Variants in BACH1 observed in about 807,000 individuals in gnomAD.
BACH1 encodes the protein BTB domain and CNC homolog 1.
BACH1 carries 35 observed loss-of-function variants against 52.9 expected under a neutral mutation model. The observed-to-expected ratio is 0.66, with a 90% confidence interval of 0.51 to 0.88. The LOEUF is 0.88. BACH1 is among the 40% of genes least tolerant of loss of function. BACH1 has a pLI of 0.00. For missense variants in BACH1, 808 were observed against 872.6 expected (o/e 0.93, Z 0.93); for synonymous variants, 321 against 319.6 (o/e 1.00, Z -0.05).
chr21:29,334,854 T>G (rs1002257156), intron 4 of BACH1, among the ~76,000 whole-genome samples: 2 of 152,188 alleles, frequency 1.3e-5, no homozygotes, highest in East Asian at 1.9e-4. Flanking sequence ...CCTGTCCTAT[T>G]CACAACTAGT....
intron 1 of BACH1, among the ~76,000 whole-genome samples, chr21:29,301,617 A>G (rs756540904): frequency 2.6e-5 from 4 of 152,240 alleles, no homozygotes; most frequent in Non-Finnish European, 5.9e-5. Context: ...TGTATTTTGA[A>G]TTTGGAGACA....
intron 1 of BACH1, among the ~76,000 whole-genome samples, chr21:29,307,450 T>C (rs118055411): frequency 2.5e-3 from 386 of 152,276 alleles, no homozygotes; most frequent in Non-Finnish European, 3.0e-3. Context: ...AAATCTACTC[T>C]CTTAGCAATT....
At chr21:29,319,403 G>T (rs2123431602) in intron 1 of BACH1, among the ~76,000 whole-genome samples, 1 of 152,118 alleles carries the variant, frequency 6.6e-6, no homozygotes, top group Admixed American at 6.5e-5. Context: ...CCTGATGGAG[G>T]TGGTAGGAGG....
At chr21:29,309,469 TTGAAA>T (rs1374877037) in intron 1 of BACH1, among the ~76,000 whole-genome samples, 1 of 152,198 alleles carries the variant, frequency 6.6e-6, no homozygotes, top group Non-Finnish European at 1.5e-5. Flanking sequence ...GTAACATGAA[TTGAAA>T]TGTAATATTT....
At chr21:29,323,407 C>T (rs929596440) in intron 2 of BACH1, among the ~76,000 whole-genome samples, 1 of 152,180 alleles carries the variant, frequency 6.6e-6, no homozygotes, top group African/African-American at 2.4e-5. Context: ...CCTCGGCAAA[C>T]CGCTGGTGTA....
At chr21:29,342,034 T>C (rs1443133463) in intron 4 of BACH1, among the ~76,000 whole-genome samples, 1 of 152,178 alleles carries the variant, frequency 6.6e-6, no homozygotes, top group Non-Finnish European at 1.5e-5. Context: ...CTGCCCCAAA[T>C]TGACATTAGA....
intron 1 of BACH1, among the ~76,000 whole-genome samples, chr21:29,313,290 G>T (rs1153287): frequency 7.2e-5 from 11 of 152,016 alleles, no homozygotes; most frequent in African/African-American, 2.7e-4. Context: ...CACGTCTTAC[G>T]TAGAGCATTC....
chr21:29,334,341 G>T (rs573146507), intron 4 of BACH1, among the ~76,000 whole-genome samples: 1 of 151,852 alleles, frequency 6.6e-6, no homozygotes, highest in East Asian at 1.9e-4. Flanking sequence ...CTCTTGATCC[G>T]CCCGCCTCGG....
rs2088845909 is a variant in BACH1 at position 29,321,390 on chromosome 21, C to T, written c.110C>T (p.Thr37Ile). The change falls in exon 2 of 5, where the codon ACC becomes ATC. Residue 37 changes from threonine to isoleucine, a missense_variant. By Grantham distance (89) the Thr-to-Ile change is moderately conservative (BLOSUM62 -1). Transcript: ENST00000286800. Reference sequence around the variant, plus strand: ...AAGAAAGATGTGCTGTGCGATGTCACCATCTTTGTGGAGGGACAGCGGTTC... The same window carrying T: ...AAGAAAGATGTGCTGTGCGATGTCATCATCTTTGTGGAGGGACAGCGGTTC... The part of the protein sequence containing the change: ...QRKKDVLCDV[T>I]IFVEGQRFRA... 1 of 1,614,214 alleles carries T rather than the reference C, an allele frequency of 6.2e-7. No individual in the cohort carries two copies. The highest frequency in any genetic ancestry group is 8.5e-7 in the Non-Finnish European group (1 of 1,180,040).
In BACH1 at chr21:29,326,576, C is replaced by T; in HGVS notation, c.752C>T (p.Ala251Val). The change falls in exon 3 of 5, where the codon GCT becomes GTT. Residue 251 changes from alanine to valine, a missense_variant. Coordinates refer to ENST00000286800, the MANE Select transcript of BACH1 (RefSeq NM_001186.4). ...GAATCTAGTGTCAAAGACATTCATG[C>T]TTCTGTTCAGCCAAATGAAAGGTCT... Reference protein sequence around the residue: ...TGESSVKDIHASVQPNERSEN... With the variant: ...TGESSVKDIHVSVQPNERSEN... 1 of 1,614,196 alleles carries T rather than the reference C, an allele frequency of 6.2e-7. No homozygotes were observed. Among genetic ancestry groups the T allele is most frequent in the Middle Eastern group, 1.6e-4 (1 of 6,062 alleles).
chr21:29,358,919 G>C (rs929806546), intron 2 of BACH1: 2 of 151,892 alleles, frequency 1.3e-5, no homozygotes, highest in African/African-American at 4.8e-5. Context: ...CTAACACAAG[G>C]GGGGTAGTAT....
intron 4 of BACH1, among the ~76,000 whole-genome samples, chr21:29,333,033 T>C (rs550558634): frequency 6.6e-6 from 1 of 152,344 alleles, no homozygotes; most frequent in Admixed American, 6.5e-5. Flanking sequence ...TTCACACTGC[T>C]CTCAGTTCTA....
At chr21:29,336,508 T>C (rs1003941092) in intron 4 of BACH1, among the ~76,000 whole-genome samples, 22 of 152,198 alleles carry the variant, frequency 1.4e-4, no homozygotes, top group Non-Finnish European at 2.9e-4. Flanking sequence ...ATTATCCCGT[T>C]CCCCAATACT....
At chr21:29,342,320 GTATAT>G in intron 4 of BACH1, 74 bp from the exon 5 acceptor site, 1 of 1,357,118 alleles carries the variant, frequency 7.4e-7, no homozygotes, top group East Asian at 2.3e-5. Flanking sequence ...AGAAGCCCCT[GTATAT>G]TATTTGATCG....
At position 29,344,727 on chromosome 21, in the gene BACH1, T is replaced by G. The variant is rs1367586650; in HGVS notation, c.*1894T>G. 2 of 152,396 alleles carry G rather than the reference T, an allele frequency of 1.3e-5. No homozygotes were observed. The highest frequency in any genetic ancestry group is 2.4e-5 in the African/African-American group (1 of 41,376). 9.4% of individuals were successfully genotyped at this position (152,396 alleles called of 1,614,324 possible). A position where few individuals can be genotyped will look rare whatever the true frequency, so the allele number is the denominator to read the frequency against. ...AGGTATTTCTTTGATACTTGTAATT[T>G]TAAATTTCAGCTTCACGATATAAAA... is the stretch of plus-strand genomic sequence containing the variant. On this transcript the variant is annotated 3_prime_UTR_variant, in exon 5 of 5. Transcript: ENST00000286800.
intron 1 of BACH1, among the ~76,000 whole-genome samples, chr21:29,318,670 G>T (rs2088815023): frequency 6.6e-6 from 1 of 152,198 alleles, no homozygotes; most frequent in African/African-American, 2.4e-5. Context: ...CCAGCTGGTG[G>T]CAGGATGAGA....
chr21:29,315,489 T>C (rs2088775351), intron 1 of BACH1, among the ~76,000 whole-genome samples: 1 of 152,134 alleles, frequency 6.6e-6, no homozygotes, highest in Admixed American at 6.5e-5. Context: ...AAATTCCAAA[T>C]AGCCACTAGA....
At chr21:29,353,515 C>T (rs1398608251) in intron 2 of BACH1, among the ~76,000 whole-genome samples, 1 of 152,164 alleles carries the variant, frequency 6.6e-6, no homozygotes, top group Non-Finnish European at 1.5e-5. Flanking sequence ...CCAAAATTCA[C>T]CTCCATCTCC....
At chr21:29,331,245 A>T (rs187405317) in intron 4 of BACH1, among the ~76,000 whole-genome samples, 1 of 152,330 alleles carries the variant, frequency 6.6e-6, no homozygotes, top group Non-Finnish European at 1.5e-5. Context: ...TGAAATCTAC[A>T]TAAAATTGTA....
Sources: allele counts gnomAD v4.1 joint callset (sites outside exome capture counted in the v4.1 genomes callset), GRCh38; gene constraint gnomAD v4.1.1; transcripts MANE v1.5; gene names NCBI Gene and HGNC (gene_info 2026-07-23, HGNC 2026-07-21).